Variants in TEX15 observed in about 807,000 individuals in gnomAD.
TEX15 encodes the protein testis expressed 15, meiosis and synapsis associated.
Under a neutral mutation model 237.3 loss-of-function variants are expected in TEX15, and 171 were observed. The observed-to-expected ratio is 0.72, with a 90% CI of 0.64 to 0.82. TEX15 has a LOEUF of 0.82. Ranked by LOEUF, TEX15 falls within the 40% of genes least tolerant of loss-of-function variation. TEX15 has a pLI of 0.00. For missense variants in TEX15, 3,750 were observed against 3,646.5 expected (o/e 1.03, Z -0.73); for synonymous variants, 1,338 against 1,269.8 (o/e 1.05, Z -1.14).
chr8:30,837,246 G>A lies in TEX15; in HGVS notation c.9038C>T (p.Ala3013Val), dbSNP rs747533356. 6.2e-7 allele frequency: 1 copy of A among 1,614,072 alleles called. No individual in the cohort carries two copies. The highest frequency in any genetic ancestry group is 1.1e-5 in the South Asian group (1 of 91,086). Residue 3013 changes from alanine to valine, a missense_variant, in exon 10 of 11, where the codon GCC becomes GTC. Physicochemically the swap from Ala to Val is moderately conservative, Grantham distance 64. Transcript: ENST00000643185. ...CTGTGGAAGTTCATTCCAATATGTGGCAGCATTCTGCATTAGGACTTTTGA... is the reference window on the plus strand; with the variant it reads ...CTGTGGAAGTTCATTCCAATATGTGACAGCATTCTGCATTAGGACTTTTGA... ...KNSKVLMQNAATYWNELPQSA... is the reference protein window; with the variant it reads ...KNSKVLMQNAVTYWNELPQSA...
chr8:30,852,047 C>G (rs1420792613), intron 7 of TEX15, among the ~76,000 whole-genome samples: 2 of 149,454 alleles, frequency 1.3e-5, no homozygotes, highest in South Asian at 2.1e-4. Flanking sequence ...TTATAAAATA[C>G]TTAACATGGA....
chr8:30,851,491 C>T (rs978240188), intron 7 of TEX15, among the ~76,000 whole-genome samples: 11 of 149,814 alleles, frequency 7.3e-5, no homozygotes, highest in South Asian at 2.1e-4. Context: ...ACTAGCCAGA[C>T]GTGGTGGTGT....
rs1807335722 is a variant in TEX15, at chr8:30,837,519, T to C, written c.8765A>G (p.Asp2922Gly). ...ATTTTTAATAGATGAATTTACTATA[T>C]CATTATCTTGAAGTTCAAAGACTGT... The part of the protein sequence containing the change: ...NDTVFELQDN[D>G]IVNSSIKNSS... The change falls in exon 10 of 11, where the codon GAT (aspartate) becomes GGT (glycine). Residue 2922 changes from aspartate (D) to glycine (G), a missense_variant. Transcript: ENST00000643185. The C allele has an allele frequency of 6.8e-6, 11 of 1,613,198 alleles. 1 individual carries two copies. Among genetic ancestry groups the C allele is most frequent in the Admixed American group, 6.7e-5 (4 of 60,004 alleles).
rs181457901 is a variant in TEX15 at position 30,887,055 on chromosome 8, A to G, written c.136+112T>C. On this transcript the variant is annotated intron_variant, in intron 3 of 10. Coordinates refer to ENST00000643185, the MANE Select transcript of TEX15 (RefSeq NM_001350162.2). ...TACATGTATGTTTAAGGAATTAGAG[A>G]CCTGAATTAACCTAATTTTATATAG... 2.2e-5 allele frequency: 20 copies of G among 919,172 alleles called. No individual in the cohort carries two copies. The Admixed American group carries it at 5.9e-4, about 27-fold the overall frequency. The allele number at this position is 919,172 out of a possible 1,614,324, so 56.9% of individuals were successfully genotyped here.
chr8:30,859,536 C>T (rs185545080), intron 6 of TEX15, among the ~76,000 whole-genome samples: 115 of 152,212 alleles, frequency 7.6e-4, no homozygotes, highest in African/African-American at 2.1e-3. Flanking sequence ...CATCACCTCA[C>T]CCATCACTTT....
intron 7 of TEX15, among the ~76,000 whole-genome samples, chr8:30,856,765 A>G (rs546245247): frequency 5.6e-4 from 86 of 152,288 alleles, no homozygotes; most frequent in African/African-American, 1.9e-3. Flanking sequence ...AGAGAAAATT[A>G]TAAAATTGAA....
chr8:30,905,299 T>C (rs1301302830), intron 1 of TEX15, among the ~76,000 whole-genome samples: 1 of 150,482 alleles, frequency 6.6e-6, no homozygotes, highest in East Asian at 1.9e-4. Flanking sequence ...AAAAGTTGAA[T>C]ATTATTGAGT....
intron 3 of TEX15, among the ~76,000 whole-genome samples, chr8:30,881,690 T>C (rs192422958): frequency 4.0e-4 from 59 of 148,610 alleles, no homozygotes; most frequent in Non-Finnish European, 6.9e-4. Context: ...GGCGCGATCT[T>C]GGCTCACTGC....
intron 1 of TEX15, among the ~76,000 whole-genome samples, chr8:30,905,734 CAAAA>C (rs34079195): frequency 3.9e-5 from 2 of 50,976 alleles, no homozygotes; most frequent in Admixed American, 2.9e-4. Flanking sequence ...ACAAAAAATA[CAAAA>C]AAAAAAAAAA....
chr8:30,893,732 G>A (rs866321209), intron 2 of TEX15, among the ~76,000 whole-genome samples: 7 of 151,872 alleles, frequency 4.6e-5, no homozygotes, highest in Admixed American at 1.3e-4. Flanking sequence ...CTTTTCCTCC[G>A]GCAGCTTTTA....
intron 7 of TEX15, among the ~76,000 whole-genome samples, chr8:30,849,850 G>C (rs956490055): frequency 6.6e-6 from 1 of 151,980 alleles, no homozygotes; most frequent in African/African-American, 2.4e-5. Flanking sequence ...AGCGAGCCGA[G>C]ATTGCGCCAC....
chr8:30,906,310 G>A (rs985848996), intron 1 of TEX15, among the ~76,000 whole-genome samples: 43 of 152,134 alleles, frequency 2.8e-4, no homozygotes, highest in Non-Finnish European at 8.8e-5. Context: ...AAGCAGCTGG[G>A]CGCAGTGGCT....
chr8:30,847,432 A>G lies in TEX15; in HGVS notation c.2735T>C (p.Ile912Thr). 6.2e-7 allele frequency: 1 copy of G among 1,611,166 alleles called. No homozygotes were observed. The highest frequency in any genetic ancestry group is 8.5e-7 in the Non-Finnish European group (1 of 1,179,350). ...AGTAGAAAATTCTTCAGAACTCAAAATTTCTATATTGTGGTAATTTTTGTC... is the reference window on the plus strand; with the variant it reads ...AGTAGAAAATTCTTCAGAACTCAAAGTTTCTATATTGTGGTAATTTTTGTC... ...KEDKNYHNIE[I>T]LSSEEFSTKF... The change falls in exon 8 of 11, where the codon ATT becomes ACT. Residue 912 changes from isoleucine to threonine, a missense_variant. Ile to Thr is a moderately conservative substitution (Grantham distance 89). Coordinates refer to ENST00000643185, the MANE Select transcript of TEX15 (RefSeq NM_001350162.2).
chr8:30,912,379 G>A (rs981844843), intron 1 of TEX15, among the ~76,000 whole-genome samples: 3 of 139,138 alleles, frequency 2.2e-5, no homozygotes, highest in Non-Finnish European at 3.1e-5. Flanking sequence ...GCACCACGAA[G>A]ATCCCCACGC....
chr8:30,857,215 G>C (rs2128770032), intron 7 of TEX15, among the ~76,000 whole-genome samples: 1 of 152,236 alleles, frequency 6.6e-6, no homozygotes, highest in Non-Finnish European at 1.5e-5. Context: ...CCAATAAACT[G>C]TACTGAGACA....
Position 30,832,605 on chromosome 8 carries a change from C to A in TEX15, c.*681G>T, listed in dbSNP as rs955928949. On this transcript the variant is annotated 3_prime_UTR_variant, in exon 11 of 11. Coordinates refer to ENST00000643185, the MANE Select transcript of TEX15 (RefSeq NM_001350162.2). ...TAACTGCATAAGCATAAACATTATT[C>A]TCTATTATTTGCTAGAAAATCATTA... 4 of 152,156 alleles carry A rather than the reference C, an allele frequency of 2.6e-5. No homozygotes were observed. Among genetic ancestry groups the A allele is most frequent in the Non-Finnish European group, 5.9e-5 (4 of 68,018 alleles). The allele number at this position is 152,156 out of a possible 1,614,324, so 9.4% of individuals were successfully genotyped here.
chr8:30,842,121 C>T lies in TEX15; in HGVS notation c.8046G>A (p.Glu2682=). The change falls in exon 8 of 11, where the codon GAG becomes GAA. Residue 2682 remains glutamate (E), a synonymous_variant. Coordinates refer to ENST00000643185, the MANE Select transcript of TEX15 (RefSeq NM_001350162.2). ...SISTMLPPVS[E]CINKNISNSS... Reference sequence around the variant, plus strand: ...AATTTGAGATGTTTTTGTTTATGCACTCTGATACTGGGGGCAACATCGTAG... The same window carrying T: ...AATTTGAGATGTTTTTGTTTATGCATTCTGATACTGGGGGCAACATCGTAG... 6.2e-7 allele frequency: 1 copy of T among 1,613,570 alleles called. No individual in the cohort carries two copies. Among genetic ancestry groups the T allele is most frequent in the African/African-American group, 1.3e-5 (1 of 75,002 alleles).
chr8:30,835,088 G>A (rs943239893), intron 10 of TEX15, among the ~76,000 whole-genome samples: 9 of 152,022 alleles, frequency 5.9e-5, no homozygotes, highest in Non-Finnish European at 1.2e-4. Flanking sequence ...AGGCAACACA[G>A]TAAGACCTCC....
At chr8:30,899,355 G>A (rs1225905624) in intron 1 of TEX15, among the ~76,000 whole-genome samples, 1 of 152,112 alleles carries the variant, frequency 6.6e-6, no homozygotes, top group Non-Finnish European at 1.5e-5. Flanking sequence ...AAACTTATCC[G>A]AGGTAACCAA....
Sources: gnomAD v4.1 joint callset for allele counts (sites outside exome capture counted in the v4.1 genomes callset) on GRCh38, gnomAD v4.1.1 for gene constraint, MANE v1.5 for transcripts, NCBI Gene and HGNC (gene_info 2026-07-23, HGNC 2026-07-21) for gene names.